Variants in NAV3 observed in about 807,000 individuals in gnomAD.
NAV3 encodes neuron navigator 3, also known as pore membrane and/or filament interacting like protein 1.
A neutral mutation model predicts 244.7 loss-of-function variants in NAV3; 87 were observed. The observed-to-expected ratio is 0.36, with a 90% CI of 0.30 to 0.42. The LOEUF (loss-of-function observed/expected upper bound fraction) is 0.42, where lower values mean the gene tolerates loss of function less well. Among genes scored for constraint, NAV3 ranks in the 20% least tolerant of loss-of-function variants. The pLI is 1.00. For synonymous variants in NAV3, 1,126 were observed against 1,042.2 expected (o/e 1.08, Z -1.55); for missense variants, 2,663 against 2,893.3 (o/e 0.92, Z 1.83).
intron 2 of NAV3, among the ~76,000 whole-genome samples, chr12:77,686,301 C>T (rs1173873357): frequency 6.6e-6 from 1 of 152,058 alleles, no homozygotes; most frequent in Admixed American, 6.6e-5. Context: ...CCATGTTGAC[C>T]AGGCCGGTCT....
intron 9 of NAV3, among the ~76,000 whole-genome samples, chr12:78,049,186 A>G (rs1882343483): frequency 6.6e-6 from 1 of 151,956 alleles, no homozygotes; most frequent in Admixed American, 6.6e-5. Context: ...GAGCTAGACC[A>G]CTTAGCTCCC....
intron 30 of NAV3, among the ~76,000 whole-genome samples, chr12:78,183,640 T>G (rs1223772990): frequency 2.0e-5 from 3 of 151,958 alleles, no homozygotes; most frequent in Non-Finnish European, 4.4e-5. Flanking sequence ...TTCACTCATC[T>G]TTGGTAAATA....
At chr12:78,027,943 G>GT (rs141866599) in intron 9 of NAV3, among the ~76,000 whole-genome samples, 7,356 of 150,910 alleles carry the variant, frequency 0.049, 400 homozygotes, top group African/African-American at 0.14. Flanking sequence ...AAAAGGAAGC[G>GT]TTTTTTTTTG....
intron 11 of NAV3, 88 bp downstream of exon 11, chr12:78,051,235 G>A: frequency 2.1e-6 from 3 of 1,453,378 alleles, no homozygotes; most frequent in Middle Eastern, 5.1e-4. Context: ...GTGTAAGTTT[G>A]CCCAGAAAGT....
chr12:77,872,741 C>T (rs1564300), intron 1 of NAV3, among the ~76,000 whole-genome samples: 17,767 of 152,160 alleles, frequency 0.12, 1,068 homozygotes, highest in East Asian at 0.2. Flanking sequence ...TTTTACATTT[C>T]GGAACTCTAT....
intron 2 of NAV3, among the ~76,000 whole-genome samples, chr12:77,810,182 T>C (rs1872212586): frequency 6.6e-6 from 1 of 152,202 alleles, no homozygotes; most frequent in Non-Finnish European, 1.5e-5. Flanking sequence ...GTGTGTTTGT[T>C]TGTTTTTGAG....
At chr12:77,651,238 T>G (rs1307816612) in intron 2 of NAV3, among the ~76,000 whole-genome samples, 1 of 152,160 alleles carries the variant, frequency 6.6e-6, no homozygotes, top group Non-Finnish European at 1.5e-5. Flanking sequence ...ATTTTGGCCT[T>G]TAAAACCCAA....
chr12:77,633,599 T>A (rs1036839061), intron 2 of NAV3, among the ~76,000 whole-genome samples: 3 of 152,104 alleles, frequency 2.0e-5, no homozygotes, highest in Non-Finnish European at 4.4e-5. Context: ...ACTTAAAATA[T>A]TTAAGGAAAA....
intron 1 of NAV3, among the ~76,000 whole-genome samples, chr12:77,932,192 T>A (rs1158685203): frequency 6.6e-6 from 1 of 152,176 alleles, no homozygotes; most frequent in East Asian, 1.9e-4. Flanking sequence ...TTTTACTTAA[T>A]CCTTTTGTTT....
intron 39 of NAV3, among the ~76,000 whole-genome samples, chr12:78,208,125 C>T (rs1960517130): frequency 6.6e-6 from 1 of 152,118 alleles, no homozygotes; most frequent in African/African-American, 2.4e-5. Flanking sequence ...GCAGCTGCAT[C>T]TGGTGAGAGC....
intron 2 of NAV3, among the ~76,000 whole-genome samples, chr12:77,678,921 A>T (rs1874326078): frequency 6.6e-6 from 1 of 152,126 alleles, no homozygotes; most frequent in African/African-American, 2.4e-5. Flanking sequence ...TTTATCTAGA[A>T]ACTTTATGAT....
intron 3 of NAV3, among the ~76,000 whole-genome samples, chr12:77,961,989 A>C (rs1272326062): frequency 6.6e-6 from 1 of 152,106 alleles, no homozygotes; most frequent in African/African-American, 2.4e-5. Flanking sequence ...TTTAATTCTA[A>C]ATCTAATAGT....
chr12:78,089,299 A>C (rs167277), intron 12 of NAV3, among the ~76,000 whole-genome samples: 29,074 of 152,078 alleles, frequency 0.19, 2,792 homozygotes, highest in Non-Finnish European at 0.21. Flanking sequence ...AAAATACATG[A>C]TAAACCATAA....
chr12:78,194,359 C>T lies in NAV3; in HGVS notation c.6292-2888C>T, dbSNP rs766944178. Among the ~76,000 whole-genome samples the T allele has an allele frequency of 5.3e-4, 81 of 152,158 alleles. 1 individual carries two copies. Among genetic ancestry groups the T allele is most frequent in the East Asian group, 1.9e-4 (1 of 5,174 alleles). On this transcript the variant is annotated intron_variant, in intron 34 of 39. Transcript: ENST00000397909. ...AATTATTTTTTAACTACTTGATACA[C>T]GATTTCCTTTAAATTTCCCTTCTCT...
At chr12:78,029,134 C>A (rs544213493) in intron 9 of NAV3, among the ~76,000 whole-genome samples, 1 of 148,588 alleles carries the variant, frequency 6.7e-6, no homozygotes, top group African/African-American at 2.5e-5. Flanking sequence ...TGAAGGATTC[C>A]ATATGTCAAA....
At chr12:78,164,815 A>G (rs906014052) in intron 23 of NAV3, among the ~76,000 whole-genome samples, 1 of 152,024 alleles carries the variant, frequency 6.6e-6, no homozygotes, top group African/African-American at 2.4e-5. Context: ...TAAAAAGCAG[A>G]TGTGGTGGAA....
intron 2 of NAV3, among the ~76,000 whole-genome samples, chr12:77,722,603 A>T (rs750496173): frequency 2.0e-5 from 3 of 152,088 alleles, no homozygotes; most frequent in Admixed American, 2.0e-4. Context: ...ATTCTTCTAC[A>T]GTCTGGGAGA....
chr12:77,841,334 A>C (rs1034126262), intron 1 of NAV3, among the ~76,000 whole-genome samples: 3 of 152,226 alleles, frequency 2.0e-5, no homozygotes, highest in Admixed American at 6.5e-5. Flanking sequence ...TTGATATTGT[A>C]AGTAACTTTT....
intron 3 of NAV3, among the ~76,000 whole-genome samples, chr12:77,941,530 C>G (rs2137491741): frequency 6.6e-6 from 1 of 152,252 alleles, no homozygotes; most frequent in South Asian, 2.1e-4. Context: ...ATAACAAAGT[C>G]CAGTGTAAAC....
Sources: allele counts gnomAD v4.1 joint callset (sites outside exome capture counted in the v4.1 genomes callset), GRCh38; gene constraint gnomAD v4.1.1; transcripts MANE v1.5; gene names NCBI Gene and HGNC (gene_info 2026-07-23, HGNC 2026-07-21).